The following DHX15 variants were observed in gnomAD, a reference collection of about 807,000 sequenced individuals.
DHX15 encodes DEAH-box helicase 15.
In DHX15, 11 loss-of-function variants were observed where a neutral mutation model predicts 94.4. The observed-to-expected ratio is 0.12, with a 90% confidence interval of 0.07 to 0.19. The LOEUF (loss-of-function observed/expected upper bound fraction) is 0.19, where lower values mean the gene tolerates loss of function less well. Among genes scored for constraint, DHX15 ranks in the 10% least tolerant of loss-of-function variants. The pLI is 1.00. For synonymous variants in DHX15, 338 were observed against 329.9 expected (o/e 1.02, Z -0.27); for missense variants, 304 against 988.5 (o/e 0.31, Z 9.29).
intron 12 of DHX15, chr4:24,530,939 T>G (rs1403273136): frequency 6.6e-6 from 1 of 152,218 alleles, no homozygotes; most frequent in Non-Finnish European, 1.5e-5. Context: ...AGGGTTTTCC[T>G]ATGTTGCCTG....
At chr4:24,565,908 C>A (rs1017249821) in intron 3 of DHX15, among the ~76,000 whole-genome samples, 2 of 152,072 alleles carry the variant, frequency 1.3e-5, no homozygotes, top group Admixed American at 6.6e-5. Context: ...GAAAAAGAAA[C>A]AAGCACATGA....
intron 13 of DHX15, among the ~76,000 whole-genome samples, 187 bp downstream of exon 13, chr4:24,529,414 C>T (rs1721032352): frequency 6.6e-6 from 1 of 152,160 alleles, no homozygotes; most frequent in Admixed American, 6.5e-5. Context: ...TATCAACAAT[C>T]CCACTGTCCA....
intron 2 of DHX15, 109 bp downstream of exon 2, chr4:24,576,134 C>T (rs1437261869): frequency 7.2e-6 from 6 of 837,652 alleles, no homozygotes; most frequent in Non-Finnish European, 1.1e-5. Context: ...AGCTATTCTT[C>T]AAGATGTTCT....
intron 5 of DHX15, among the ~76,000 whole-genome samples, chr4:24,551,231 T>G (rs1023710472): frequency 6.6e-6 from 1 of 152,212 alleles, no homozygotes; most frequent in Non-Finnish European, 1.5e-5. Context: ...CCCAGAAGTA[T>G]GTAAAACGCT....
chr4:24,561,983 T>C (rs981566117), intron 3 of DHX15, among the ~76,000 whole-genome samples: 5 of 151,720 alleles, frequency 3.3e-5, no homozygotes, highest in Admixed American at 6.6e-5. Flanking sequence ...ATACAAAAAT[T>C]CACCAGGCGT....
At chr4:24,570,374 G>C (rs929221778) in intron 3 of DHX15, among the ~76,000 whole-genome samples, 1 of 151,952 alleles carries the variant, frequency 6.6e-6, no homozygotes, top group Non-Finnish European at 1.5e-5. Flanking sequence ...ATACACCATT[G>C]TGTCTACTAA....
intron 5 of DHX15, among the ~76,000 whole-genome samples, chr4:24,550,265 T>C (rs1392514076): frequency 6.6e-6 from 1 of 152,040 alleles, no homozygotes; most frequent in African/African-American, 2.4e-5. Flanking sequence ...ATAAACACTG[T>C]ACATTTTGGC....
chr4:24,571,476 G>A lies in DHX15; in HGVS notation c.508-629C>T, dbSNP rs114945217. On this transcript the variant is annotated intron_variant, in intron 2 of 13. Coordinates refer to ENST00000336812, the MANE Select transcript of DHX15 (RefSeq NM_001358.3). ...TCGTTAAGGGCAGCCAAAGGGTTGG[G>A]GGACCCCCAAGCACAAGTTAAATTG... Among the ~76,000 whole-genome samples the A allele has an allele frequency of 3.6e-3, 554 of 152,232 alleles. 2 individuals carry two copies. Among genetic ancestry groups the A allele is most frequent in the African/African-American group, 0.012 (513 of 41,526 alleles).
At chr4:24,562,837 A>T (rs2109413181) in intron 3 of DHX15, among the ~76,000 whole-genome samples, 1 of 152,334 alleles carries the variant, frequency 6.6e-6, no homozygotes, top group East Asian at 1.9e-4. Context: ...TTTCACACAC[A>T]CAGAACTATC....
chr4:24,565,811 G>A (rs1445901756), intron 3 of DHX15, among the ~76,000 whole-genome samples: 2 of 152,282 alleles, frequency 1.3e-5, no homozygotes, highest in Non-Finnish European at 2.9e-5. Flanking sequence ...TAAACAGAGT[G>A]CCATAAATGA....
intron 3 of DHX15, among the ~76,000 whole-genome samples, chr4:24,558,836 G>C (rs1221921509): frequency 6.6e-6 from 1 of 152,048 alleles, no homozygotes; most frequent in Non-Finnish European, 1.5e-5. Context: ...AACTTTTCCA[G>C]ACTCTCAAAA....
chr4:24,548,087 T>C (rs1721494830), intron 6 of DHX15, among the ~76,000 whole-genome samples: 1 of 150,124 alleles, frequency 6.7e-6, no homozygotes, highest in Non-Finnish European at 1.5e-5. Flanking sequence ...AGGATCTAGA[T>C]GAAGCTTCTG....
rs1256665217 is a variant in DHX15, at chr4:24,568,922, GT to G, written c.701+1731del. Among the ~76,000 whole-genome samples the G allele has an allele frequency of 7.9e-5, 12 of 152,248 alleles. No homozygotes were observed. In the East Asian group the frequency reaches 1.9e-3, roughly 24 times the overall value. ...AAGAATTTATTCAGTGAAGATTAAG[GT>G]TTAAGCCAAAAATATGTCCCATAAA... On this transcript the variant is annotated intron_variant, in intron 3 of 13. Coordinates refer to ENST00000336812, the MANE Select transcript of DHX15 (RefSeq NM_001358.3).
intron 10 of DHX15, chr4:24,539,574 C>G (rs1721263851): frequency 6.6e-6 from 1 of 151,942 alleles, no homozygotes; most frequent in Non-Finnish European, 1.5e-5. Flanking sequence ...TAAAAGAATA[C>G]CATTATCAGA....
At chr4:24,540,434 A>C (rs1449595701) in intron 9 of DHX15, 135 bp from the exon 10 acceptor site, 1 of 707,834 alleles carries the variant, frequency 1.4e-6, no homozygotes, top group East Asian at 2.8e-5. Context: ...CATCCAATTC[A>C]ATTATACAGA....
chr4:24,582,029 T>C (rs1327148888), intron 1 of DHX15, among the ~76,000 whole-genome samples: 2 of 152,080 alleles, frequency 1.3e-5, no homozygotes, highest in South Asian at 4.1e-4. Context: ...TTTGTAAGAC[T>C]GACAAGCTTA....
chr4:24,565,539 G>A (rs1055217064), intron 3 of DHX15, among the ~76,000 whole-genome samples: 1 of 152,152 alleles, frequency 6.6e-6, no homozygotes, highest in African/African-American at 2.4e-5. Flanking sequence ...TCCTTAAAGT[G>A]CCACATCTGT....
At chr4:24,577,820 T>C (rs1674059003) in intron 1 of DHX15, among the ~76,000 whole-genome samples, 2 of 152,216 alleles carry the variant, frequency 1.3e-5, no homozygotes, top group African/African-American at 4.8e-5. Flanking sequence ...TTCATTTTAC[T>C]AATCCAGTTT....
chr4:24,550,007 C>T (rs553757593), intron 5 of DHX15, among the ~76,000 whole-genome samples: 80 of 143,924 alleles, frequency 5.6e-4, no homozygotes, highest in African/African-American at 2.0e-3. Flanking sequence ...GCGGGAGAAT[C>T]GCTTGAACCC....
Sources: allele counts gnomAD v4.1 joint callset (sites outside exome capture counted in the v4.1 genomes callset), GRCh38; gene constraint gnomAD v4.1.1; transcripts MANE v1.5; gene names NCBI Gene and HGNC (gene_info 2026-07-23, HGNC 2026-07-21).